Variants in ATP8A1 observed in about 807,000 individuals in gnomAD.
The protein encoded by ATP8A1 is ATPase phospholipid transporting 8A1.
A neutral mutation model predicts 177.7 loss-of-function variants in ATP8A1; 90 were observed. The ratio of observed to expected loss-of-function variants is 0.51; its 90% CI spans 0.43 to 0.60. The LOEUF is 0.60. ATP8A1 is among the 20% of genes least tolerant of loss of function. The probability of loss-of-function intolerance (pLI) is 0.00; values close to 1 mark genes in which losing one functional copy is unlikely to be tolerated. For synonymous variants in ATP8A1, 493 were observed against 485.9 expected (o/e 1.01, Z -0.19); for missense variants, 1,072 against 1,392.8 (o/e 0.77, Z 3.67).
intron 10 of ATP8A1, 142 bp downstream of exon 10, chr4:42,581,479 G>C (rs2109344475): frequency 3.0e-6 from 2 of 675,204 alleles, no homozygotes; most frequent in South Asian, 3.3e-5. Flanking sequence ...ACTCACAGGA[G>C]TACCAGATTC....
chr4:42,563,882 G>T (rs1334613423), intron 15 of ATP8A1, among the ~76,000 whole-genome samples: 2 of 152,172 alleles, frequency 1.3e-5, no homozygotes, highest in East Asian at 3.9e-4. Context: ...ATCACCTGAG[G>T]TCAGGAGTAC....
intron 14 of ATP8A1, among the ~76,000 whole-genome samples, chr4:42,573,918 A>G (rs1243540818): frequency 6.6e-6 from 1 of 152,236 alleles, no homozygotes; most frequent in Non-Finnish European, 1.5e-5. Flanking sequence ...AATGTCAACC[A>G]GCCAGGAGAG....
At chr4:42,470,291 T>C (rs1412675884) in intron 25 of ATP8A1, among the ~76,000 whole-genome samples, 4 of 152,232 alleles carry the variant, frequency 2.6e-5, no homozygotes, top group Non-Finnish European at 5.9e-5. Context: ...TTATTTTTCT[T>C]ATTTTCTATG....
chr4:42,465,908 T>C (rs1719696440), intron 25 of ATP8A1, among the ~76,000 whole-genome samples: 1 of 151,788 alleles, frequency 6.6e-6, no homozygotes. Context: ...GGCGGGCGCC[T>C]GTAGTCCCAG....
At chr4:42,451,188 G>A (rs1214241617) in intron 30 of ATP8A1, among the ~76,000 whole-genome samples, 1 of 152,156 alleles carries the variant, frequency 6.6e-6, no homozygotes, top group Non-Finnish European at 1.5e-5. Flanking sequence ...TCATCAGTGG[G>A]CAGCAGCAGG....
chr4:42,639,908 C>A (rs58364556), intron 1 of ATP8A1, among the ~76,000 whole-genome samples: 1 of 152,160 alleles, frequency 6.6e-6, no homozygotes, highest in South Asian at 2.1e-4. Context: ...AATCATCTCT[C>A]GATTACTTAT....
rs186844193 is a variant in ATP8A1 at position 42,552,638 on chromosome 4, C to A, written c.1414-28G>T. On this transcript the variant is annotated intron_variant, in intron 16 of 36. Coordinates refer to ENST00000381668, the MANE Select transcript of ATP8A1 (RefSeq NM_006095.2). Reference sequence around the variant, plus strand: ...GTGAAAAATAAACACATAATTTAAGCCCTTCTCATGTGAACATTTTGACAC... The same window carrying A: ...GTGAAAAATAAACACATAATTTAAGACCTTCTCATGTGAACATTTTGACAC... 1.7e-5 allele frequency: 26 copies of A among 1,522,550 alleles called. No individual in the cohort carries two copies. The African/African-American group carries it at 2.7e-4, about 16-fold the overall frequency. 94.3% of individuals were successfully genotyped at this position (1,522,550 alleles called of 1,614,324 possible).
At chr4:42,569,832 T>C (rs561007077) in intron 14 of ATP8A1, among the ~76,000 whole-genome samples, 2 of 152,370 alleles carry the variant, frequency 1.3e-5, no homozygotes, top group African/African-American at 4.8e-5. Context: ...TAATATCTTC[T>C]TTAATTTCAT....
chr4:42,605,483 G>A (rs1208407563), intron 5 of ATP8A1, among the ~76,000 whole-genome samples: 4 of 152,160 alleles, frequency 2.6e-5, no homozygotes, highest in African/African-American at 7.2e-5. Flanking sequence ...CACATGGGAA[G>A]TGTCACAACA....
intron 1 of ATP8A1, among the ~76,000 whole-genome samples, chr4:42,639,987 A>G (rs1258820233): frequency 6.6e-6 from 1 of 152,192 alleles, no homozygotes; most frequent in East Asian, 1.9e-4. Context: ...TGGCAAATTG[A>G]AGTTTTGCTT....
chr4:42,564,042 C>T (rs968458630), intron 15 of ATP8A1, among the ~76,000 whole-genome samples: 33 of 152,270 alleles, frequency 2.2e-4, no homozygotes, highest in African/African-American at 7.5e-4. Flanking sequence ...TTGCAGTGAG[C>T]CAACATTGCA....
chr4:42,415,252 T>G (rs183692475), intron 35 of ATP8A1: 4 of 152,444 alleles, frequency 2.6e-5, no homozygotes, highest in Admixed American at 1.3e-4. Flanking sequence ...TAACTAGAAG[T>G]TCACTACCAC....
chr4:42,602,822 T>C (rs903644214), intron 5 of ATP8A1, among the ~76,000 whole-genome samples: 2 of 150,122 alleles, frequency 1.3e-5, no homozygotes, highest in Non-Finnish European at 3.0e-5. Flanking sequence ...AAATGAGAGC[T>C]CCCCTTTAAT....
chr4:42,449,922 CA>C (rs2153177287), intron 30 of ATP8A1, among the ~76,000 whole-genome samples: 1 of 152,292 alleles, frequency 6.6e-6, no homozygotes, highest in Admixed American at 6.5e-5. Flanking sequence ...TTTTGATATT[CA>C]ATTTCTTTTT....
At chr4:42,478,567 A>C (rs28561425) in intron 25 of ATP8A1, among the ~76,000 whole-genome samples, 8,926 of 48,310 alleles carry the variant, frequency 0.18, 324 homozygotes, top group South Asian at 0.3. Context: ...CACACACAAA[A>C]AAAAAACCAC....
intron 1 of ATP8A1, among the ~76,000 whole-genome samples, chr4:42,634,553 A>G (rs1181389568): frequency 6.6e-6 from 1 of 152,186 alleles, no homozygotes. Flanking sequence ...AATACAGAAT[A>G]TAATCAAGGA....
Position 42,455,292 on chromosome 4 carries a change from C to T in ATP8A1, c.2817+5G>A. 1 of 1,613,562 alleles carries T rather than the reference C, an allele frequency of 6.2e-7. No individual in the cohort carries two copies. Among genetic ancestry groups the T allele is most frequent in the Non-Finnish European group, 8.5e-7 (1 of 1,179,596 alleles). ...ACATGTCCCAGCCAGGGCACTGTGT[C>T]CTACCTTGGTGTTGAAGTCCAGGGC... is the stretch of plus-strand genomic sequence containing the variant. On this transcript the variant is annotated splice_donor_5th_base_variant and intron_variant, in intron 29 of 36. Coordinates refer to ENST00000381668, the MANE Select transcript of ATP8A1 (RefSeq NM_006095.2).
intron 30 of ATP8A1, among the ~76,000 whole-genome samples, chr4:42,447,428 TG>T (rs1375064486): frequency 6.6e-6 from 1 of 152,060 alleles, no homozygotes; most frequent in African/African-American, 2.4e-5. Flanking sequence ...AGTGATCTGC[TG>T]GCTTTGGCCT....
chr4:42,446,752 A>C (rs1373719676), intron 30 of ATP8A1, 108 bp from the exon 31 acceptor site: 2 of 921,558 alleles, frequency 2.2e-6, no homozygotes, highest in Non-Finnish European at 3.3e-6. Flanking sequence ...AGGGATACAC[A>C]ATGGAGCCAG....
Sources: gnomAD v4.1 joint callset for allele counts (sites outside exome capture counted in the v4.1 genomes callset) on GRCh38, gnomAD v4.1.1 for gene constraint, MANE v1.5 for transcripts, NCBI Gene and HGNC (gene_info 2026-07-23, HGNC 2026-07-21) for gene names.